The following EFCAB6 variants were observed in gnomAD, a reference collection of about 807,000 sequenced individuals.
EFCAB6 encodes EF-hand calcium binding domain 6, also known as EF-hand calcium-binding domain-containing protein 6.
A neutral mutation model predicts 169.8 loss-of-function variants in EFCAB6; 156 were observed. That is an observed-to-expected ratio of 0.92 (90% CI 0.81 to 1.05). The LOEUF (loss-of-function observed/expected upper bound fraction) is 1.05. Among genes scored for constraint, EFCAB6 ranks in the 50% least tolerant of loss-of-function variants. The pLI, the probability that EFCAB6 is intolerant of heterozygous loss-of-function variation, is 0.00. For synonymous variants in EFCAB6, 698 were observed against 676.4 expected, an observed-to-expected ratio of 1.03 and a Z score of -0.50; for missense variants, 1,800 against 1,829.1, an observed-to-expected ratio of 0.98 and a Z score of 0.29.
chr22:43,694,585 A>G (rs953437023), intron 10 of EFCAB6, among the ~76,000 whole-genome samples: 39 of 152,092 alleles, frequency 2.6e-4, no homozygotes, highest in Non-Finnish European at 2.9e-5. Context: ...CTCAGGTAAC[A>G]TATGAAAAGT....
intron 29 of EFCAB6, chr22:43,536,849 A>G (rs2047411259): frequency 6.5e-6 from 1 of 153,024 alleles, no homozygotes; most frequent in African/African-American, 2.4e-5. Context: ...AAACAAACAA[A>G]CAAACAAAAA....
intron 24 of EFCAB6, among the ~76,000 whole-genome samples, chr22:43,589,620 T>A (rs762457329): frequency 3.0e-4 from 46 of 152,244 alleles, no homozygotes; most frequent in Non-Finnish European, 5.7e-4. Context: ...AAACCCCGTC[T>A]CTACTAAAAA....
At chr22:43,554,840 C>T (rs1403486322) in intron 27 of EFCAB6, 29 bp downstream of exon 27, 3 of 1,594,846 alleles carry the variant, frequency 1.9e-6, no homozygotes, top group Admixed American at 3.3e-5. Context: ...CAACGGTGTG[C>T]AGGGTGAGGA....
rs938560291 is a variant in EFCAB6 at position 43,784,771 on chromosome 22, G to T, written c.-7-2446C>A. ...ATGCACCTGTAGTCCTAGCTACTTG[G>T]GAGGCTCACATGGTAGAATCACTGA... On this transcript the variant is annotated intron_variant, in intron 2 of 31. Coordinates refer to ENST00000262726, the MANE Select transcript of EFCAB6 (RefSeq NM_022785.4). Among the ~76,000 whole-genome samples, 11 of 146,620 alleles carry T rather than the reference G, an allele frequency of 7.5e-5. No individual in the cohort carries two copies. In the South Asian group the frequency reaches 2.4e-3, roughly 32 times the overall value.
chr22:43,694,123 T>C (rs137805), intron 10 of EFCAB6, among the ~76,000 whole-genome samples: 33,292 of 151,812 alleles, frequency 0.22, 3,802 homozygotes, highest in Middle Eastern at 0.26. Flanking sequence ...AATATACATA[T>C]ATTTATAAAA....
rs73422434 is a variant in EFCAB6 at position 43,796,809 on chromosome 22, C to A, written c.-8+12186G>T. On this transcript the variant is annotated intron_variant, in intron 2 of 31. Coordinates refer to ENST00000262726, the MANE Select transcript of EFCAB6 (RefSeq NM_022785.4). ...TTTTCCCAGCTTCAGGGTTCAGGAA[C>A]TAGAAGTCTTGCTGCTGCTGCCACC... 7.7e-3 allele frequency among the ~76,000 whole-genome samples: 1,172 copies of A among 152,262 alleles called. 19 individuals are homozygous for A. The highest frequency in any genetic ancestry group is 0.027 in the African/African-American group (1,123 of 41,528).
chr22:43,754,385 C>G (rs2147853112), intron 6 of EFCAB6, among the ~76,000 whole-genome samples: 1 of 152,318 alleles, frequency 6.6e-6, no homozygotes, highest in East Asian at 1.9e-4. Flanking sequence ...GGTCAGTCTC[C>G]TCCAACCTCC....
intron 10 of EFCAB6, among the ~76,000 whole-genome samples, chr22:43,695,502 A>G (rs889294556): frequency 6.6e-6 from 1 of 152,074 alleles, no homozygotes; most frequent in Non-Finnish European, 1.5e-5. Flanking sequence ...ATGACTATAT[A>G]GAAAGACAAA....
At chr22:43,723,388 G>C (rs1038631841) in intron 8 of EFCAB6, among the ~76,000 whole-genome samples, 1 of 152,268 alleles carries the variant, frequency 6.6e-6, no homozygotes, top group African/African-American at 2.4e-5. Context: ...CTACCTGGGT[G>C]CAGTATACCT....
chr22:43,576,981 T>C (rs2147262638), intron 25 of EFCAB6, among the ~76,000 whole-genome samples: 1 of 152,290 alleles, frequency 6.6e-6, no homozygotes, highest in African/African-American at 2.4e-5. Context: ...TGGGAGCAGC[T>C]GGGAGGAGGG....
intron 11 of EFCAB6, among the ~76,000 whole-genome samples, chr22:43,685,874 G>A (rs2058175817): frequency 6.6e-6 from 1 of 152,138 alleles, no homozygotes; most frequent in Admixed American, 6.5e-5. Context: ...TGAAAAATAT[G>A]TGTCATTTTT....
At chr22:43,612,870 G>A (rs1389161269) in intron 21 of EFCAB6, among the ~76,000 whole-genome samples, 1 of 151,088 alleles carries the variant, frequency 6.6e-6, no homozygotes, top group Admixed American at 6.6e-5. Context: ...CTCCAGCCTG[G>A]CAGACAGAGT....
Position 43,528,951 on chromosome 22 carries a change from G to T in EFCAB6, c.4408C>A (p.Leu1470Ile), listed in dbSNP as rs147315401. Residue 1470 changes from leucine (L) to isoleucine (I), a missense_variant, in exon 32 of 32, where the codon CTC becomes ATC. Leu to Ile is a conservative substitution (Grantham distance 5). Transcript: ENST00000262726. The part of the protein sequence containing the change: ...RTVLRQYSIN[L>I]SEEEFFHILE... Reference sequence around the variant, plus strand: ...ATATGGAAGAACTCTTCCTCAGAGAGGTTGATGCTGTACTGTCTCAGGACC... The same window carrying T: ...ATATGGAAGAACTCTTCCTCAGAGATGTTGATGCTGTACTGTCTCAGGACC... The T allele has an allele frequency of 4.4e-6, 7 of 1,604,262 alleles. No individual in the cohort carries two copies. In the East Asian group the frequency reaches 1.6e-4, roughly 36 times the overall value.
intron 21 of EFCAB6, among the ~76,000 whole-genome samples, chr22:43,610,771 T>C (rs2053246192): frequency 6.6e-6 from 1 of 152,188 alleles, no homozygotes; most frequent in Non-Finnish European, 1.5e-5. Flanking sequence ...TCTGTAGGAT[T>C]TCAGAGTCCC....
intron 8 of EFCAB6, among the ~76,000 whole-genome samples, chr22:43,728,685 T>C (rs1042013310): frequency 6.6e-6 from 1 of 152,250 alleles, no homozygotes; most frequent in Admixed American, 6.5e-5. Context: ...TTTTTTCATA[T>C]GTTTGTTGGC....
chr22:43,649,228 G>A (rs1442178409), intron 17 of EFCAB6, among the ~76,000 whole-genome samples: 2 of 152,224 alleles, frequency 1.3e-5, no homozygotes, highest in African/African-American at 2.4e-5. Context: ...TTTATAAATT[G>A]ACAAGAGGGC....
intron 24 of EFCAB6, among the ~76,000 whole-genome samples, chr22:43,586,463 T>A (rs1010203448): frequency 6.7e-6 from 1 of 148,976 alleles, no homozygotes; most frequent in African/African-American, 2.5e-5. Flanking sequence ...ATAAACAATG[T>A]TTTAAAGAGG....
chr22:43,667,536 G>T (rs1192860999), intron 16 of EFCAB6, among the ~76,000 whole-genome samples: 3 of 152,152 alleles, frequency 2.0e-5, no homozygotes, highest in Non-Finnish European at 2.9e-5. Context: ...GAACTTGCAG[G>T]GAGAGAATAT....
chr22:43,594,529 C>T (rs560749787), intron 23 of EFCAB6, among the ~76,000 whole-genome samples: 2 of 152,192 alleles, frequency 1.3e-5, no homozygotes, highest in African/African-American at 2.4e-5. Flanking sequence ...AAGTCAAAAA[C>T]TAAAAAGACC....
Sources: gnomAD v4.1 joint callset for allele counts (sites outside exome capture counted in the v4.1 genomes callset) on GRCh38, gnomAD v4.1.1 for gene constraint, MANE v1.5 for transcripts, NCBI Gene and HGNC (gene_info 2026-07-23, HGNC 2026-07-21) for gene names.